VPS26A: variants seen among roughly 807,000 people sequenced by gnomAD.
VPS26A encodes vacuolar protein sorting-associated protein 26A.
VPS26A carries 22 observed loss-of-function variants against 42.4 expected under a neutral mutation model. The observed-to-expected ratio is 0.52, with a 90% confidence interval of 0.37 to 0.74. The LOEUF (loss-of-function observed/expected upper bound fraction) is 0.74, where lower values mean the gene tolerates loss of function less well. Ranked by LOEUF, VPS26A falls within the 30% of genes least tolerant of loss-of-function variation. The pLI is 0.00. For missense variants in VPS26A, 276 were observed against 379.2 expected (o/e 0.73, Z 2.26); for synonymous variants, 110 against 123.5 (o/e 0.89, Z 0.73).
intron 2 of VPS26A, among the ~76,000 whole-genome samples, chr10:69,150,178 C>A (rs983711256): frequency 1.3e-5 from 2 of 151,968 alleles, no homozygotes; most frequent in African/African-American, 4.8e-5. Context: ...CTCAGCCTCC[C>A]AATTTGCTGG....
chr10:69,151,272 A>AAAAAAAAAAAAAAAAAAAC (rs1564680860), intron 2 of VPS26A, among the ~76,000 whole-genome samples: 2 of 81,556 alleles, frequency 2.5e-5, no homozygotes, highest in African/African-American at 3.4e-5. Context: ...GTCAAAAAAA[A>AAAAAAAAAAAAAAAAAAAC]AAAAAAAAAA....
intron 1 of VPS26A, among the ~76,000 whole-genome samples, chr10:69,126,858 G>A (rs1409691092): frequency 3.3e-5 from 4 of 120,200 alleles, no homozygotes; most frequent in Non-Finnish European, 8.0e-5. Context: ...TAAAAGACAA[G>A]CTTTTTTCCT....
intron 2 of VPS26A, among the ~76,000 whole-genome samples, chr10:69,152,018 A>T (rs12269032): frequency 0.041 from 6,264 of 151,452 alleles, 449 homozygotes; most frequent in African/African-American, 0.14. Context: ...CTTTTTTTTT[A>T]AAGAGGCCTG....
chr10:69,140,984 G>A (rs905129244), intron 2 of VPS26A, among the ~76,000 whole-genome samples: 1 of 152,108 alleles, frequency 6.6e-6, no homozygotes, highest in Non-Finnish European at 1.5e-5. Context: ...TATGTTTTGG[G>A]ATTGTGGGAA....
chr10:69,139,488 G>A (rs1271795280), intron 2 of VPS26A, among the ~76,000 whole-genome samples: 1 of 152,052 alleles, frequency 6.6e-6, no homozygotes, highest in African/African-American at 2.4e-5. Flanking sequence ...ATTTTTAGTA[G>A]AGATGGGGTT....
chr10:69,137,159 C>A (rs760790297), intron 2 of VPS26A, among the ~76,000 whole-genome samples: 1 of 152,128 alleles, frequency 6.6e-6, no homozygotes, highest in Non-Finnish European at 1.5e-5. Context: ...AGTTTTATTT[C>A]TCAATAACTT....
chr10:69,156,689 T>C (rs1306257997), intron 3 of VPS26A, among the ~76,000 whole-genome samples: 1 of 152,192 alleles, frequency 6.6e-6, no homozygotes, highest in African/African-American at 2.4e-5. Flanking sequence ...AAAATAGAAT[T>C]TTTGCCTTGT....
intron 1 of VPS26A, among the ~76,000 whole-genome samples, chr10:69,128,041 ATAGAGGATAGCACG>A (rs1048080388): frequency 6.6e-6 from 1 of 151,520 alleles, no homozygotes; most frequent in African/African-American, 2.4e-5. Flanking sequence ...CCAGAAAATA[ATAGAGGATAGCACG>A]TAGTTTTTCA....
In VPS26A at chr10:69,173,735, C is replaced by G. The variant is rs1411927752; in HGVS notation, c.*2466C>G. ...ACCAATCAGGCTGGGCACAGTGGCT[C>G]ACGCCTGTAATCCCAGCACTTTGGG... is the stretch of plus-strand genomic sequence containing the variant. On this transcript the variant is annotated 3_prime_UTR_variant, in exon 9 of 9. Transcript: ENST00000263559. Among the ~76,000 whole-genome samples, 4 of 152,206 alleles carry G rather than the reference C, an allele frequency of 2.6e-5. No individual in the cohort carries two copies. Among genetic ancestry groups the G allele is most frequent in the Admixed American group, 6.5e-5 (1 of 15,284 alleles).
intron 2 of VPS26A, among the ~76,000 whole-genome samples, chr10:69,148,636 A>G (rs951693208): frequency 6.6e-6 from 1 of 152,226 alleles, no homozygotes; most frequent in African/African-American, 2.4e-5. Context: ...TTTGTCTTAA[A>G]CAGTGTAGAA....
At chr10:69,169,029 CT>C (rs891644569) in intron 8 of VPS26A, among the ~76,000 whole-genome samples, 160 of 143,190 alleles carry the variant, frequency 1.1e-3, no homozygotes, top group Middle Eastern at 3.7e-3. Flanking sequence ...ATGGATATTG[CT>C]TTTTTTTTTT....
intron 2 of VPS26A, chr10:69,133,702 A>G: frequency 1.2e-6 from 1 of 841,958 alleles, no homozygotes; most frequent in Non-Finnish European, 1.7e-6. Context: ...TTCGTTTTTT[A>G]AATAGGGTCT....
At chr10:69,159,097 G>C (rs984849781) in intron 5 of VPS26A, among the ~76,000 whole-genome samples, 6 of 152,110 alleles carry the variant, frequency 3.9e-5, no homozygotes, top group Non-Finnish European at 8.8e-5. Context: ...GATTGAGGCC[G>C]GGTGCGGTGG....
At chr10:69,151,269 A>AACAAAACAAAAC (rs1841301817) in intron 2 of VPS26A, among the ~76,000 whole-genome samples, 2 of 70,356 alleles carry the variant, frequency 2.8e-5, no homozygotes, top group African/African-American at 7.4e-5. Flanking sequence ...CATGTCAAAA[A>AACAAAACAAAAC]AAAAAAAAAA....
chr10:69,131,903 A>G (rs1840787326), intron 1 of VPS26A, among the ~76,000 whole-genome samples: 1 of 151,698 alleles, frequency 6.6e-6, no homozygotes, highest in Admixed American at 6.6e-5. Flanking sequence ...TGGATTCTGT[A>G]TTATTACCAA....
chr10:69,153,687 A>T (rs1016477064), intron 2 of VPS26A, among the ~76,000 whole-genome samples: 1 of 152,062 alleles, frequency 6.6e-6, no homozygotes, highest in African/African-American at 2.4e-5. Flanking sequence ...TAGTTCACAG[A>T]TATCTTTCTC....
intron 8 of VPS26A, among the ~76,000 whole-genome samples, chr10:69,169,396 G>C (rs777858306): frequency 7.9e-5 from 12 of 152,050 alleles, no homozygotes; most frequent in Non-Finnish European, 1.3e-4. Context: ...CTGTCATAAT[G>C]TCCATGAGAT....
At chr10:69,126,226 C>T (rs1840650048) in intron 1 of VPS26A, among the ~76,000 whole-genome samples, 2 of 89,392 alleles carry the variant, frequency 2.2e-5, no homozygotes, top group Admixed American at 2.3e-4. Context: ...TTTGGGAGGC[C>T]GAGGTGGGCG....
At chr10:69,151,271 A>AAAAAAAAAAAAACAAC (rs1564680851) in intron 2 of VPS26A, among the ~76,000 whole-genome samples, 1 of 67,000 alleles carries the variant, frequency 1.5e-5, no homozygotes, top group African/African-American at 4.9e-5. Context: ...TGTCAAAAAA[A>AAAAAAAAAAAAACAAC]AAAAAAAAAA....
Sources: allele counts gnomAD v4.1 joint callset (sites outside exome capture counted in the v4.1 genomes callset), GRCh38; gene constraint gnomAD v4.1.1; transcripts MANE v1.5; gene names NCBI Gene and HGNC (gene_info 2026-07-23, HGNC 2026-07-21).